Variants in UFD1 observed in about 807,000 individuals in gnomAD.
The protein encoded by UFD1 is ubiquitin recognition factor in ER associated degradation 1.
In UFD1, 13 loss-of-function variants were observed where a neutral mutation model predicts 45.9. The observed-to-expected ratio is 0.28, with a 90% CI of 0.18 to 0.45. The LOEUF is 0.45. UFD1 is among the 20% of genes least tolerant of loss of function. The pLI is 1.00. For missense variants in UFD1, 218 were observed against 389.2 expected (o/e 0.56, Z 3.70); for synonymous variants, 128 against 139.2 (o/e 0.92, Z 0.56).
At chr22:19,456,709 T>G (rs1014312064) in intron 8 of UFD1, 75 bp from the exon 9 acceptor site, 7 of 1,608,480 alleles carry the variant, frequency 4.4e-6, no homozygotes, top group Non-Finnish European at 6.0e-6. Context: ...CACCCCCGGC[T>G]AGGATGTCCC....
At chr22:19,451,406 G>A (rs1009141187) in intron 11 of UFD1, 1 of 985,188 alleles carries the variant, frequency 1.0e-6, no homozygotes, top group African/African-American at 1.7e-5. Context: ...CTGGGTCAAA[G>A]TGTGTACACA....
intron 6 of UFD1, among the ~76,000 whole-genome samples, chr22:19,464,610 T>C (rs571059288): frequency 2.6e-5 from 4 of 152,370 alleles, no homozygotes; most frequent in Admixed American, 6.5e-5. Context: ...AACAGAGGCA[T>C]TCAGACCTGA....
chr22:19,451,940 A>G (rs750598477), intron 11 of UFD1: 17 of 985,276 alleles, frequency 1.7e-5, no homozygotes, highest in Non-Finnish European at 1.9e-5. Flanking sequence ...CCTGGATTCT[A>G]TGACTTTCTT....
chr22:19,476,216 C>T (rs1233338304), intron 1 of UFD1, among the ~76,000 whole-genome samples: 1 of 152,128 alleles, frequency 6.6e-6, no homozygotes, highest in Non-Finnish European at 1.5e-5. Flanking sequence ...GCACAAAGAC[C>T]TGAATGCTAT....
At chr22:19,462,671 A>C (rs866519393) in intron 6 of UFD1, among the ~76,000 whole-genome samples, 50 of 151,916 alleles carry the variant, frequency 3.3e-4, no homozygotes, top group African/African-American at 1.2e-3. Context: ...GACTCTCTCA[A>C]AAAAAAAGAG....
At chr22:19,474,100 G>A (rs1280624196) in intron 3 of UFD1, among the ~76,000 whole-genome samples, 2 of 152,198 alleles carry the variant, frequency 1.3e-5, no homozygotes, top group African/African-American at 4.8e-5. Flanking sequence ...CAGAGAAAAG[G>A]GAGGAAGAAT....
chr22:19,451,027 G>C, intron 11 of UFD1: 1 of 1,083,202 alleles, frequency 9.2e-7, no homozygotes, highest in Non-Finnish European at 1.1e-6. Context: ...GGGAGGCTGA[G>C]ACGGGAGGAT....
intron 4 of UFD1, chr22:19,470,598 C>G (rs901596463): frequency 2.6e-6 from 1 of 381,122 alleles, no homozygotes; most frequent in Admixed American, 3.1e-5. Context: ...CGTGCCACCA[C>G]ACCCGGCTAG....
chr22:19,454,746 C>T lies in UFD1; in HGVS notation c.849+3G>A, dbSNP rs1021173785. ...CCAAGGAAATACAAGGAAATACACTCACCTCTTCAACCTTTTTGACAAGGG... is the reference window on the plus strand; with the variant it reads ...CCAAGGAAATACAAGGAAATACACTTACCTCTTCAACCTTTTTGACAAGGG... On this transcript the variant is annotated splice_donor_region_variant and intron_variant, in intron 11 of 11. Transcript: ENST00000263202. 3.1e-6 allele frequency: 5 copies of T among 1,613,956 alleles called. No individual in the cohort carries two copies. In the African/African-American group the frequency reaches 4.0e-5, roughly 13 times the overall value.
chr22:19,469,935 G>A (rs775969834), intron 4 of UFD1: 1 of 518,502 alleles, frequency 1.9e-6, no homozygotes, highest in South Asian at 1.4e-5. Flanking sequence ...TCAAGTCTAT[G>A]GGTTAAAGGA....
Position 19,467,932 on chromosome 22 carries a change from G to C in UFD1, c.363C>G (p.Thr121=), listed in dbSNP as rs45618940. 1 of 1,614,174 alleles carries C rather than the reference G, an allele frequency of 6.2e-7. No individual in the cohort carries two copies. Among genetic ancestry groups the C allele is most frequent in the Non-Finnish European group, 8.5e-7 (1 of 1,180,022 alleles). ...GGCTCTGAGGTTGGAATTTGGAGTA[G>C]GTGGCCACTTGAAGGTTGACGCTCT... is the stretch of plus-strand genomic sequence containing the variant. The part of the protein sequence containing the change: ...QVESVNLQVA[T]YSKFQPQSPD... The change falls in exon 5 of 12, where the codon ACC becomes ACG. Residue 121 remains threonine (T), a synonymous_variant. Transcript: ENST00000263202.
At chr22:19,471,342 A>C in intron 4 of UFD1, 1 of 566,444 alleles carries the variant, frequency 1.8e-6, no homozygotes, top group Non-Finnish European at 3.4e-6. Context: ...AAGCATAAAA[A>C]CCTCAAACAC....
rs2089701777 is a variant in UFD1 at position 19,453,907 on chromosome 22, G to A, written c.849+842C>T. 5 of 985,402 alleles carry A rather than the reference G, an allele frequency of 5.1e-6. No homozygotes were observed. In the South Asian group the frequency reaches 2.3e-4, roughly 46 times the overall value. The allele number at this position is 985,402 out of a possible 1,614,324, so 61.0% of individuals were successfully genotyped here. ...TCCTTTGAGAAAAGGAACCAGGAGAGCGATGGGTCTGAAGCGCTGGTGTTG... is the reference window on the plus strand; with the variant it reads ...TCCTTTGAGAAAAGGAACCAGGAGAACGATGGGTCTGAAGCGCTGGTGTTG... On this transcript the variant is annotated intron_variant, in intron 11 of 11. Coordinates refer to ENST00000263202, the MANE Select transcript of UFD1 (RefSeq NM_005659.7).
chr22:19,456,584 C>T lies in UFD1; in HGVS notation c.678+3G>A. 1 of 1,614,140 alleles carries T rather than the reference C, an allele frequency of 6.2e-7. No homozygotes were observed. Among genetic ancestry groups the T allele is most frequent in the Non-Finnish European group, 8.5e-7 (1 of 1,180,028 alleles). On this transcript the variant is annotated splice_donor_region_variant and intron_variant, in intron 9 of 11. Transcript: ENST00000263202. ...AATATAAGTCAAGTGGTCTGGTACT[C>T]ACGCGGAAGCCCAGCTCTCCAGCAT...
chr22:19,454,391 T>C, intron 11 of UFD1: 2 of 906,574 alleles, frequency 2.2e-6, no homozygotes, highest in Non-Finnish European at 1.3e-6. Context: ...CGGTGGGAGG[T>C]AACTGAGTCA....
At position 19,456,641 on chromosome 22, in the gene UFD1, G is replaced by A; in HGVS notation, c.631-7C>T. ...TGTGGTCGGCTTCACCTTCCTGACA[G>A]GGAAAAAGAAAAACAGGTGAGCTCC... On this transcript the variant is annotated splice_region_variant and splice_polypyrimidine_tract_variant and intron_variant, in intron 8 of 11. Coordinates refer to ENST00000263202, the MANE Select transcript of UFD1 (RefSeq NM_005659.7). 6.2e-7 allele frequency: 1 copy of A among 1,614,162 alleles called. No homozygotes were observed.
At chr22:19,468,677 A>G (rs1291000363) in intron 4 of UFD1, among the ~76,000 whole-genome samples, 1 of 152,144 alleles carries the variant, frequency 6.6e-6, no homozygotes, top group Non-Finnish European at 1.5e-5. Flanking sequence ...CCGTCTTAAA[A>G]GGGGTGTCAG....
At chr22:19,474,259 T>A (rs2089865521) in intron 3 of UFD1, among the ~76,000 whole-genome samples, 1 of 151,756 alleles carries the variant, frequency 6.6e-6, no homozygotes, top group Non-Finnish European at 1.5e-5. Flanking sequence ...GAAACGGGGG[T>A]CTGGGCCGGG....
At position 19,450,709 on chromosome 22, in the gene UFD1, T is replaced by C; in HGVS notation, c.885A>G (p.Gly295=). The change falls in exon 12 of 12, where the codon GGA becomes GGG. Residue 295 remains glycine (G), a synonymous_variant. Transcript: ENST00000263202. ...EAGGRFVAFS[G]EGQSLRKKGR... ...CCTTTTTACGCAATGACTGTCCTTC[T>C]CCAGAGAAAGCGACGAATCTGCCTC... The C allele has an allele frequency of 6.2e-7, 1 of 1,614,162 alleles. No individual in the cohort carries two copies. Among genetic ancestry groups the C allele is most frequent in the Non-Finnish European group, 8.5e-7 (1 of 1,180,026 alleles).
Sources: gnomAD v4.1 joint callset for allele counts (sites outside exome capture counted in the v4.1 genomes callset) on GRCh38, gnomAD v4.1.1 for gene constraint, MANE v1.5 for transcripts, NCBI Gene and HGNC (gene_info 2026-07-23, HGNC 2026-07-21) for gene names.